Variants in DPYD observed in about 807,000 individuals in gnomAD.
DPYD encodes dihydropyrimidine dehydrogenase.
DPYD carries 109 observed loss-of-function variants against 116.2 expected under a neutral mutation model. That is an observed-to-expected ratio of 0.94 (90% confidence interval 0.80 to 1.10). DPYD has a LOEUF of 1.10. Among genes scored for constraint, DPYD ranks in the 50% least tolerant of loss-of-function variants. The pLI is 0.00. For synonymous variants in DPYD, 440 were observed against 432.0 expected (o/e 1.02, Z -0.23); for missense variants, 1,302 against 1,254.5 (o/e 1.04, Z -0.57).
chr1:97,548,996 A>C (rs1213722067), intron 12 of DPYD, among the ~76,000 whole-genome samples: 1 of 152,098 alleles, frequency 6.6e-6, no homozygotes, highest in Non-Finnish European at 1.5e-5. Flanking sequence ...GCCAATAATA[A>C]ATATTTTGAA....
At chr1:97,141,958 A>G (rs1456835360) in intron 20 of DPYD, among the ~76,000 whole-genome samples, 1 of 152,186 alleles carries the variant, frequency 6.6e-6, no homozygotes, top group Non-Finnish European at 1.5e-5. Flanking sequence ...TGGGTATTCT[A>G]GAACCACACA....
intron 20 of DPYD, among the ~76,000 whole-genome samples, chr1:97,141,509 T>A (rs1654220977): frequency 6.6e-6 from 1 of 152,124 alleles, no homozygotes; most frequent in South Asian, 2.1e-4. Flanking sequence ...CATATGAGAC[T>A]TTCTCTAAAA....
At chr1:97,214,557 C>T (rs1328844005) in intron 19 of DPYD, among the ~76,000 whole-genome samples, 1 of 152,128 alleles carries the variant, frequency 6.6e-6, no homozygotes, top group Non-Finnish European at 1.5e-5. Context: ...CCATACTGGG[C>T]CAAACCACAG....
At chr1:97,785,711 T>TA (rs1666980953) in intron 3 of DPYD, among the ~76,000 whole-genome samples, 1 of 132,408 alleles carries the variant, frequency 7.6e-6, no homozygotes, top group Non-Finnish European at 1.6e-5. Flanking sequence ...TTTTTTTTTT[T>TA]AGACGGAGTC....
intron 13 of DPYD, among the ~76,000 whole-genome samples, chr1:97,480,599 T>C (rs1678241734): frequency 6.6e-6 from 1 of 152,244 alleles, no homozygotes; most frequent in Admixed American, 6.5e-5. Context: ...AGGGAATTGC[T>C]GAATTTCATC....
chr1:97,373,667 A>G (rs765833205), intron 15 of DPYD, 23 bp from the exon 16 acceptor site: 1 of 1,603,552 alleles, frequency 6.2e-7, no homozygotes, highest in Non-Finnish European at 8.5e-7. Flanking sequence ...AAGGAAAATG[A>G]AAGAAAAGGC....
chr1:97,839,311 G>T (rs1571446722), intron 2 of DPYD, among the ~76,000 whole-genome samples: 1 of 152,176 alleles, frequency 6.6e-6, no homozygotes, highest in Non-Finnish European at 1.5e-5. Context: ...ACAAAGTTAT[G>T]TAACAATAAT....
chr1:97,385,070 T>C (rs1366041425), intron 14 of DPYD, among the ~76,000 whole-genome samples: 1 of 151,870 alleles, frequency 6.6e-6, no homozygotes. Context: ...TGAGAAGTCA[T>C]ACTCCAAGCT....
chr1:97,595,293 A>T, intron 8 of DPYD, 127 bp from the exon 9 acceptor site: 1 of 691,732 alleles, frequency 1.4e-6, no homozygotes, highest in Non-Finnish European at 2.5e-6. Flanking sequence ...TCTGTAAGCA[A>T]ATCAATATAA....
intron 16 of DPYD, 149 bp from the exon 17 acceptor site, chr1:97,306,446 T>C: frequency 9.8e-7 from 1 of 1,025,158 alleles, no homozygotes; most frequent in Non-Finnish European, 1.5e-6. Context: ...CTCCTCAGTA[T>C]TACACCTAGA....
chr1:97,089,537 A>T (rs191825257), intron 21 of DPYD, among the ~76,000 whole-genome samples: 1 of 152,228 alleles, frequency 6.6e-6, no homozygotes, highest in East Asian at 1.9e-4. Flanking sequence ...CTTTATACTC[A>T]TTGCAGGAGG....
intron 3 of DPYD, among the ~76,000 whole-genome samples, chr1:97,801,894 ATTAT>A (rs1325867449): frequency 4.6e-5 from 7 of 151,892 alleles, no homozygotes; most frequent in African/African-American, 1.2e-4. Flanking sequence ...TGTGATAAAG[ATTAT>A]TTATTTTATT....
chr1:97,654,017 T>C (rs1658746554), intron 8 of DPYD, among the ~76,000 whole-genome samples: 1 of 152,178 alleles, frequency 6.6e-6, no homozygotes, highest in Non-Finnish European at 1.5e-5. Flanking sequence ...TCTCCATACA[T>C]GTGCACAATA....
At chr1:97,408,330 T>C (rs1397188332) in intron 14 of DPYD, among the ~76,000 whole-genome samples, 1 of 152,202 alleles carries the variant, frequency 6.6e-6, no homozygotes, top group Non-Finnish European at 1.5e-5. Flanking sequence ...TATTTCCTTC[T>C]TATTTTGTTA....
chr1:97,700,314 T>G (rs1476930880), intron 5 of DPYD: 1 of 455,322 alleles, frequency 2.2e-6, no homozygotes, highest in African/African-American at 2.0e-5. Flanking sequence ...TAGAGCAAAA[T>G]AAAGTACAGA....
chr1:97,428,305 A>C (rs1256433462), intron 14 of DPYD, among the ~76,000 whole-genome samples: 1 of 152,116 alleles, frequency 6.6e-6, no homozygotes, highest in East Asian at 1.9e-4. Context: ...ATTTTCCCCC[A>C]TAACATCAAC....
intron 18 of DPYD, among the ~76,000 whole-genome samples, chr1:97,248,138 A>G (rs1177163991): frequency 6.6e-6 from 1 of 152,222 alleles, no homozygotes; most frequent in Admixed American, 6.5e-5. Context: ...GGTGTAAAGC[A>G]TCATGATCAA....
Position 97,828,126 on chromosome 1 carries a change from C to T in DPYD, c.221G>A (p.Arg74Gln), listed in dbSNP as rs1669331541. The T allele has an allele frequency of 6.2e-7, 1 of 1,613,658 alleles. No homozygotes were observed. The highest frequency in any genetic ancestry group is 8.5e-7 in the Non-Finnish European group (1 of 1,179,752). ...GACCCAGACTTACCTCATTGCTTCTCGGAGAGCTCCTCGCTCACCAAGAGT... is the reference window on the plus strand; with the variant it reads ...GACCCAGACTTACCTCATTGCTTCTTGGAGAGCTCCTCGCTCACCAAGAGT... ...HTTLGERGAL[R>Q]EAMRCLKCAD... Residue 74 changes from arginine to glutamine, a missense_variant, in exon 3 of 23, where the codon CGA becomes CAA. By Grantham distance (43) the Arg-to-Gln change is conservative. Transcript: ENST00000370192.
At position 97,852,036 on chromosome 1, in the gene DPYD, AAAG is replaced by A. The variant is rs1290170361; in HGVS notation, c.151-23843_151-23841del. Among the ~76,000 whole-genome samples the A allele has an allele frequency of 2.7e-3, 411 of 150,274 alleles. 3 individuals carry two copies. The highest frequency in any genetic ancestry group is 0.01 in the African/African-American group (403 of 40,214). On this transcript the variant is annotated intron_variant, in intron 2 of 22. Coordinates refer to ENST00000370192, the MANE Select transcript of DPYD (RefSeq NM_000110.4). Reference sequence around the variant, plus strand: ...CTGTGCAATTTACAAAAAAAAAAAAAAAGAAAGAAAGAAAAAGAAAGTGCAGCT... The same window carrying A: ...CTGTGCAATTTACAAAAAAAAAAAAAAAAGAAAGAAAAAGAAAGTGCAGCT...
Sources: allele counts gnomAD v4.1 joint callset (sites outside exome capture counted in the v4.1 genomes callset), GRCh38; gene constraint gnomAD v4.1.1; transcripts MANE v1.5; gene names NCBI Gene and HGNC (gene_info 2026-07-23, HGNC 2026-07-21).